Variants in CPO observed in about 807,000 individuals in gnomAD.
CPO encodes the protein metallocarboxypeptidase C.
Under a neutral mutation model 41.2 loss-of-function variants are expected in CPO, and 43 were observed. The observed-to-expected ratio is 1.04, with a 90% CI of 0.82 to 1.35. CPO has a LOEUF of 1.35. CPO is among the 40% of genes most tolerant of loss of function. The probability of loss-of-function intolerance (pLI) is 0.00; values close to 1 mark genes in which losing one functional copy is unlikely to be tolerated. For missense variants in CPO, 408 were observed against 451.7 expected, an observed-to-expected ratio of 0.90 and a Z score of 0.88; for synonymous variants, 178 against 162.7, an observed-to-expected ratio of 1.09 and a Z score of -0.72.
chr2:206,939,834 T>C (rs1386202777), intron 1 of CPO, among the ~76,000 whole-genome samples, 167 bp downstream of exon 1: 1 of 152,116 alleles, frequency 6.6e-6, no homozygotes, highest in Non-Finnish European at 1.5e-5. Context: ...TGAATAATCA[T>C]AATCCTCTAA....
chr2:206,952,493 T>C (rs1213785884), intron 2 of CPO, among the ~76,000 whole-genome samples: 1 of 152,212 alleles, frequency 6.6e-6, no homozygotes, highest in Admixed American at 6.5e-5. Flanking sequence ...AGGTGTGAAA[T>C]GCTGATGATT....
intron 1 of CPO, among the ~76,000 whole-genome samples, chr2:206,946,330 A>G (rs957580970): frequency 2.6e-5 from 4 of 152,222 alleles, no homozygotes; most frequent in African/African-American, 9.6e-5. Context: ...TTCAACGTTC[A>G]AAAATCAATT....
chr2:206,955,817 C>T (rs910200461), intron 3 of CPO, among the ~76,000 whole-genome samples: 6 of 152,152 alleles, frequency 3.9e-5, no homozygotes, highest in African/African-American at 1.4e-4. Context: ...GGCTGAAAAA[C>T]AGCAGGGCCC....
At chr2:206,939,773 C>CAT in intron 1 of CPO, 106 bp downstream of exon 1, 1 of 750,204 alleles carries the variant, frequency 1.3e-6, no homozygotes, top group Non-Finnish European at 2.2e-6. Flanking sequence ...CCTTGCTACT[C>CAT]ATATATACCA....
At chr2:206,948,934 G>A (rs1003575401) in intron 1 of CPO, among the ~76,000 whole-genome samples, 1 of 152,158 alleles carries the variant, frequency 6.6e-6, no homozygotes, top group Non-Finnish European at 1.5e-5. Flanking sequence ...CTGTTGTGTG[G>A]GATGTCTATA....
At chr2:206,966,725 A>C (rs1166340094) in intron 7 of CPO, among the ~76,000 whole-genome samples, 2 of 152,148 alleles carry the variant, frequency 1.3e-5, no homozygotes, top group Non-Finnish European at 2.9e-5. Flanking sequence ...CTTAGTATTG[A>C]GTGGAGAGAA....
intron 7 of CPO, 138 bp from the exon 8 acceptor site, chr2:206,968,125 C>T (rs1693619192): frequency 1.4e-6 from 1 of 696,626 alleles, no homozygotes; most frequent in African/African-American, 1.8e-5. Context: ...CAGCAGGCTA[C>T]CTAGATGTAG....
chr2:206,950,385 C>G (rs76986690), intron 2 of CPO, among the ~76,000 whole-genome samples: 1 of 152,096 alleles, frequency 6.6e-6, no homozygotes, highest in African/African-American at 2.4e-5. Context: ...AATGAAATAC[C>G]ATCTCACGTC....
chr2:206,966,036 C>G (rs1010801999), intron 7 of CPO, among the ~76,000 whole-genome samples: 2 of 152,120 alleles, frequency 1.3e-5, no homozygotes, highest in Non-Finnish European at 2.9e-5. Context: ...TCTCTTACTC[C>G]TCTCTGCTTC....
At chr2:206,966,139 C>T (rs957865575) in intron 7 of CPO, among the ~76,000 whole-genome samples, 2 of 151,424 alleles carry the variant, frequency 1.3e-5, no homozygotes, top group East Asian at 1.9e-4. Flanking sequence ...TTTCCTACCC[C>T]ACAGCCAGGA....
Position 206,960,879 on chromosome 2 carries a change from C to G in CPO, c.511C>G (p.Pro171Ala), listed in dbSNP as rs73983120. 1.8e-4 allele frequency: 286 copies of G among 1,613,606 alleles called. No homozygotes were observed. The African/African-American group carries it at 3.6e-3, about 20-fold the overall frequency. The part of the protein sequence containing the change: ...TDRLWRKSRS[P>A]HNNGTCFGTD... ...TCGTCTTTGGAGGAAATCCCGTTCA[C>G]CCCATAATAATGGCACATGTTTTGG... Residue 171 changes from proline to alanine, a missense_variant, in exon 6 of 9, where the codon CCC becomes GCC. By Grantham distance (27) the Pro-to-Ala change is conservative (BLOSUM62 -1). Transcript: ENST00000272852.
chr2:206,965,710 A>C (rs952771409), intron 7 of CPO, among the ~76,000 whole-genome samples: 1 of 152,170 alleles, frequency 6.6e-6, no homozygotes, highest in Non-Finnish European at 1.5e-5. Flanking sequence ...ATATGCTTAC[A>C]GGAAATTCTC....
intron 1 of CPO, among the ~76,000 whole-genome samples, chr2:206,946,062 G>GA (rs1693139417): frequency 6.6e-6 from 1 of 152,038 alleles, no homozygotes; most frequent in East Asian, 1.9e-4. Flanking sequence ...AATATTTAAG[G>GA]AAAAAATTAT....
chr2:206,967,760 G>A (rs868515595), intron 7 of CPO, among the ~76,000 whole-genome samples: 4 of 152,174 alleles, frequency 2.6e-5, no homozygotes, highest in Non-Finnish European at 4.4e-5. Context: ...TGAGAAGTTT[G>A]TACTTAATTC....
rs1331675264 is a variant in CPO, at chr2:206,960,978, T to TA, written c.574+39dup. On this transcript the variant is annotated intron_variant, in intron 6 of 8. Transcript: ENST00000272852. The stretch of plus-strand genomic sequence containing the variant: ...GCTTAGTAGATGAATTATGAACAAA[T>TA]AAAGCTGAGAAGTAAGAAAAGAGGT... 5 of 1,360,250 alleles carry TA rather than the reference T, an allele frequency of 3.7e-6. No homozygotes were observed. In the Admixed American group the frequency reaches 8.4e-5, roughly 23 times the overall value. 84.3% of individuals were successfully genotyped at this position (1,360,250 alleles called of 1,614,324 possible). A position where few individuals can be genotyped will look rare whatever the true frequency, so the allele number is the denominator to read the frequency against.
intron 1 of CPO, among the ~76,000 whole-genome samples, chr2:206,943,733 GATAGATA>G (rs1559068426): frequency 1.4e-3 from 31 of 21,822 alleles, no homozygotes; most frequent in Admixed American, 4.2e-4. Context: ...ATAGATGATA[GATAGATA>G]GATAGATAGA....
At chr2:206,958,846 A>T (rs915065748) in intron 4 of CPO, among the ~76,000 whole-genome samples, 4 of 142,644 alleles carry the variant, frequency 2.8e-5, no homozygotes, top group African/African-American at 5.3e-5. Context: ...GGTTCAAGCG[A>T]TTCTCCTGCC....
intron 1 of CPO, among the ~76,000 whole-genome samples, chr2:206,945,806 C>T (rs1193010823): frequency 6.6e-6 from 1 of 152,048 alleles, no homozygotes; most frequent in Non-Finnish European, 1.5e-5. Context: ...CATGGTGGCA[C>T]ATGCCTGTAA....
chr2:206,947,175 A>C (rs1482097276), intron 1 of CPO, among the ~76,000 whole-genome samples: 1 of 152,208 alleles, frequency 6.6e-6, no homozygotes, highest in Non-Finnish European at 1.5e-5. Context: ...TCAAGACTTA[A>C]TATAAAGCTA....
Sources: gnomAD v4.1 joint callset for allele counts (sites outside exome capture counted in the v4.1 genomes callset) on GRCh38, gnomAD v4.1.1 for gene constraint, MANE v1.5 for transcripts, NCBI Gene and HGNC (gene_info 2026-07-23, HGNC 2026-07-21) for gene names.